Variants in DST observed in about 807,000 individuals in gnomAD.
DST encodes bullous pemphigoid antigen.
In DST, 253 loss-of-function variants were observed where a neutral mutation model predicts 875.2. The ratio of observed to expected loss-of-function variants is 0.29; its 90% confidence interval spans 0.26 to 0.32. The LOEUF (loss-of-function observed/expected upper bound fraction) is 0.32, where lower values mean the gene tolerates loss of function less well. Among genes scored for constraint, DST ranks in the 10% least tolerant of loss-of-function variants. The pLI is 1.00. For missense variants in DST, 8,287 were observed against 9,111.6 expected (o/e 0.91, Z 3.68); for synonymous variants, 3,124 against 3,197.1 (o/e 0.98, Z 0.77).
Position 56,608,072 on chromosome 6 carries a change from C to G in DST, c.6556G>C (p.Glu2186Gln). ...YRQEEDVFDG[E>Q]EPVTTQTSEE... ...GAGGTCTGAGTAGTGACAGGTTCTT[C>G]TCCATCAAAAACATCCTCTTCTTGT... The change falls in exon 40 of 104, where the codon GAA (glutamate) becomes CAA (glutamine). Residue 2186 changes from glutamate to glutamine, a missense_variant. Physicochemically the swap from Glu to Gln is conservative, Grantham distance 29. Coordinates refer to ENST00000680361, the MANE Select transcript of DST (RefSeq NM_001374736.1). 6.2e-7 allele frequency: 1 copy of G among 1,613,556 alleles called. No homozygotes were observed. Among genetic ancestry groups the G allele is most frequent in the Non-Finnish European group, 8.5e-7 (1 of 1,179,686 alleles).
chr6:56,459,491 G>A (rs2094210548), intron 103 of DST, among the ~76,000 whole-genome samples: 2 of 152,194 alleles, frequency 1.3e-5, no homozygotes, highest in African/African-American at 4.8e-5. Context: ...TACAAGGTAA[G>A]TTTCGGCTTC....
Position 56,506,367 on chromosome 6 carries a change from G to C in DST, c.19464+76C>G. ...ATATGCACTGGCAGATCTTGAGGTG[G>C]TGCCAATATGTAGACATCAATTAGT... On this transcript the variant is annotated intron_variant, in intron 77 of 103. Transcript: ENST00000680361. The C allele has an allele frequency of 2.6e-6, 3 of 1,172,694 alleles. No individual in the cohort carries two copies. The South Asian group carries it at 4.9e-5, about 19-fold the overall frequency. 72.6% of individuals were successfully genotyped at this position (1,172,694 alleles called of 1,614,324 possible).
chr6:56,499,054 A>G (rs769124627), intron 80 of DST, among the ~76,000 whole-genome samples: 9 of 152,174 alleles, frequency 5.9e-5, no homozygotes, highest in Non-Finnish European at 1.2e-4. Flanking sequence ...GTATAGCCTT[A>G]GTAATATTAA....
rs577830695 is a variant in DST, at chr6:56,877,145, A to G, written c.417+23276T>C. ...GGCTCTGATCAAATGTCACCTTATC[A>G]AAGAATGTTCCCTGACTGTGCAATG... is the stretch of plus-strand genomic sequence containing the variant. On this transcript the variant is annotated intron_variant, in intron 3 of 103. Coordinates refer to ENST00000680361, the MANE Select transcript of DST (RefSeq NM_001374736.1). Among the ~76,000 whole-genome samples the G allele has an allele frequency of 3.6e-3, 556 of 152,346 alleles. 4 individuals are homozygous for G. The highest frequency in any genetic ancestry group is 4.4e-3 in the Non-Finnish European group (301 of 68,030).
intron 4 of DST, among the ~76,000 whole-genome samples, chr6:56,787,245 A>G (rs919848709): frequency 2.0e-5 from 3 of 152,240 alleles, no homozygotes; most frequent in African/African-American, 7.2e-5. Context: ...CTGAGCACAT[A>G]TAGTGAAATG....
At chr6:56,843,684 G>A (rs2099803447) in intron 4 of DST, 2 of 981,880 alleles carry the variant, frequency 2.0e-6, no homozygotes, top group Admixed American at 6.2e-5. Flanking sequence ...ACACTCGCCC[G>A]CGCCGGGGAG....
chr6:56,543,997 GAA>G (rs1175979794), intron 61 of DST, among the ~76,000 whole-genome samples: 1 of 152,124 alleles, frequency 6.6e-6, no homozygotes, highest in Non-Finnish European at 1.5e-5. Flanking sequence ...TATCTATAAA[GAA>G]AAAGAGATTT....
intron 4 of DST, among the ~76,000 whole-genome samples, chr6:56,750,955 C>T (rs977785290): frequency 6.6e-6 from 1 of 152,040 alleles, no homozygotes; most frequent in African/African-American, 2.4e-5. Context: ...TTACATTTTT[C>T]ACAACAGCAG....
chr6:56,772,188 C>T (rs996051876), intron 4 of DST, among the ~76,000 whole-genome samples: 18 of 152,008 alleles, frequency 1.2e-4, no homozygotes, highest in African/African-American at 4.4e-4. Flanking sequence ...TAGCAGGCTT[C>T]GGTTATGTAA....
chr6:56,888,095 C>T (rs1785490852), intron 3 of DST, among the ~76,000 whole-genome samples: 1 of 151,880 alleles, frequency 6.6e-6, no homozygotes, highest in South Asian at 2.1e-4. Flanking sequence ...AGACTACAGG[C>T]ACGTGCCACC....
intron 58 of DST, among the ~76,000 whole-genome samples, chr6:56,559,511 A>G (rs1283367020): frequency 1.3e-5 from 2 of 152,130 alleles, no homozygotes; most frequent in Non-Finnish European, 2.9e-5. Context: ...GGAACCATTG[A>G]AAGTAAAATA....
At position 56,573,892 on chromosome 6, in the gene DST, T is replaced by C; in HGVS notation, c.13028-5A>G. Reference sequence around the variant, plus strand: ...CATATCTCCCAACAATGTCATCTACTCCAAACAGATCAGGAATATTAACCA... The same window carrying C: ...CATATCTCCCAACAATGTCATCTACCCCAAACAGATCAGGAATATTAACCA... On this transcript the variant is annotated splice_polypyrimidine_tract_variant and splice_region_variant and intron_variant, in intron 50 of 103. Coordinates refer to ENST00000680361, the MANE Select transcript of DST (RefSeq NM_001374736.1). 1.2e-6 allele frequency: 2 copies of C among 1,605,294 alleles called. No individual in the cohort carries two copies. Among genetic ancestry groups the C allele is most frequent in the Non-Finnish European group, 1.7e-6 (2 of 1,173,352 alleles).
chr6:56,865,971 T>A (rs966326229), intron 3 of DST, among the ~76,000 whole-genome samples: 4 of 152,046 alleles, frequency 2.6e-5, no homozygotes, highest in African/African-American at 9.7e-5. Flanking sequence ...AGCTATGTTT[T>A]TTTTTTGTTT....
intron 5 of DST, among the ~76,000 whole-genome samples, chr6:56,706,393 A>C (rs960422908): frequency 2.0e-5 from 3 of 152,338 alleles, no homozygotes; most frequent in African/African-American, 4.8e-5. Flanking sequence ...CCATTCAATT[A>C]GAATATTTAC....
intron 15 of DST, among the ~76,000 whole-genome samples, chr6:56,643,337 G>A (rs542402538): frequency 1.3e-5 from 2 of 152,276 alleles, no homozygotes; most frequent in Admixed American, 1.3e-4. Flanking sequence ...GAGAAGCAAA[G>A]TACGCTTCCA....
At chr6:56,667,140 G>A (rs2099076136) in intron 10 of DST, among the ~76,000 whole-genome samples, 1 of 152,092 alleles carries the variant, frequency 6.6e-6, no homozygotes, top group Non-Finnish European at 1.5e-5. Context: ...CAACTCCTGA[G>A]CTCCAGCAAT....
intron 2 of DST, among the ~76,000 whole-genome samples, chr6:56,946,820 G>C (rs976389572): frequency 1.3e-5 from 2 of 152,124 alleles, no homozygotes; most frequent in African/African-American, 4.8e-5. Context: ...AATTATTATA[G>C]GAGAGAAATT....
chr6:56,608,756 T>C lies in DST; in HGVS notation c.5872A>G (p.Arg1958Gly). 3 of 1,609,338 alleles carry C rather than the reference T, an allele frequency of 1.9e-6. No homozygotes were observed. The highest frequency in any genetic ancestry group is 2.5e-6 in the Non-Finnish European group (3 of 1,177,508). ...LLPVRPQEGGRITLKCGRNIS... is the reference protein window; with the variant it reads ...LLPVRPQEGGGITLKCGRNIS... ...TTTCTTCCACATTTTAATGTTATTC[T>C]ACCTCCTTCTTGTGGTCTCACAGGT... Residue 1958 changes from arginine to glycine, a missense_variant, in exon 40 of 104, where the codon AGA (arginine) becomes GGA (glycine). Physicochemically the swap from Arg to Gly is moderately radical, Grantham distance 125. This residue lies in a region of DST where 3,138 missense variants were observed against 3,116.6 expected (regional missense o/e 1.01). Coordinates refer to ENST00000680361, the MANE Select transcript of DST (RefSeq NM_001374736.1).
At chr6:56,921,014 G>C (rs1434635742) in intron 2 of DST, among the ~76,000 whole-genome samples, 1 of 149,808 alleles carries the variant, frequency 6.7e-6, no homozygotes, top group Non-Finnish European at 1.5e-5. Flanking sequence ...AAAGTGCTGG[G>C]ATTACAGGCA....
Sources: gnomAD v4.1 joint callset for allele counts (sites outside exome capture counted in the v4.1 genomes callset) on GRCh38, gnomAD v4.1.1 for gene constraint, gnomAD v4.1.1 regional missense constraint, MANE v1.5 for transcripts, NCBI Gene and HGNC (gene_info 2026-07-23, HGNC 2026-07-21) for gene names.